Variants in TTK observed in about 807,000 individuals in gnomAD.
The protein encoded by TTK is TTK protein kinase, also known as dual specificity protein kinase TTK.
Under a neutral mutation model 117.3 loss-of-function variants are expected in TTK, and 59 were observed. The observed-to-expected ratio is 0.50, with a 90% CI of 0.41 to 0.62. The LOEUF is 0.62. TTK is among the 20% of genes least tolerant of loss of function. TTK has a pLI of 0.00. For missense variants in TTK, 921 were observed against 989.4 expected (o/e 0.93, Z 0.93); for synonymous variants, 302 against 325.0 (o/e 0.93, Z 0.76).
intron 10 of TTK, among the ~76,000 whole-genome samples, chr6:80,019,904 A>G (rs1767412411): frequency 6.6e-6 from 1 of 152,190 alleles, no homozygotes; most frequent in Non-Finnish European, 1.5e-5. Flanking sequence ...TTCTAAAGAC[A>G]TTTTATTTTT....
chr6:80,012,479 C>G (rs1383879553), intron 8 of TTK, among the ~76,000 whole-genome samples: 2 of 151,908 alleles, frequency 1.3e-5, no homozygotes, highest in Non-Finnish European at 2.9e-5. Flanking sequence ...AGTGTGTTCT[C>G]CTTCCCTCAA....
At chr6:80,018,614 G>A (rs1314837278) in intron 10 of TTK, among the ~76,000 whole-genome samples, 2 of 139,790 alleles carry the variant, frequency 1.4e-5, no homozygotes, top group African/African-American at 5.5e-5. Flanking sequence ...GCAATAGAGC[G>A]AGACTCCGTC....
intron 10 of TTK, among the ~76,000 whole-genome samples, chr6:80,017,823 A>G (rs1005529224): frequency 2.0e-5 from 3 of 152,218 alleles, no homozygotes; most frequent in African/African-American, 7.2e-5. Flanking sequence ...ATAACCTAGC[A>G]TATCTTTTCA....
chr6:80,035,507 G>T, intron 16 of TTK, 90 bp downstream of exon 16: 11 of 1,269,488 alleles, frequency 8.7e-6, no homozygotes, highest in Non-Finnish European at 1.2e-5. Context: ...TAGGGCATTG[G>T]TTATTGGTGT....
intron 10 of TTK, among the ~76,000 whole-genome samples, chr6:80,019,708 A>G (rs989185174): frequency 6.6e-6 from 1 of 152,200 alleles, no homozygotes; most frequent in Admixed American, 6.5e-5. Context: ...AGCTGTTTTC[A>G]TTGAACCACC....
intron 17 of TTK, chr6:80,037,606 G>T (rs1262665285): frequency 1.3e-5 from 2 of 154,112 alleles, no homozygotes; most frequent in African/African-American, 4.8e-5. Flanking sequence ...GCCATTAATA[G>T]GATTTTAGCC....
Position 80,007,827 on chromosome 6 carries a change from A to G in TTK, c.158A>G (p.Asn53Ser). ...ADTTDNSGTV[N>S]QIMMMANNPE... ...TATTTAGATAACTCGGGAACTGTTA[A>G]CCAAATTATGATGATGGCAAACAAC... is the stretch of plus-strand genomic sequence containing the variant. The change falls in exon 3 of 22, where the codon AAC becomes AGC. Residue 53 changes from asparagine (N) to serine (S), a missense_variant. By Grantham distance (46) the Asn-to-Ser change is conservative. Coordinates refer to ENST00000369798, the MANE Select transcript of TTK (RefSeq NM_003318.5). The G allele has an allele frequency of 6.2e-7, 1 of 1,611,310 alleles. No individual in the cohort carries two copies. Among genetic ancestry groups the G allele is most frequent in the Non-Finnish European group, 8.5e-7 (1 of 1,178,518 alleles).
Position 80,039,791 on chromosome 6 carries a change from T to C in TTK, c.2226T>C (p.Ser742=). Residue 742 remains serine, a synonymous_variant, in exon 19 of 22, where the codon TCT becomes TCC. Transcript: ENST00000369798. The part of the protein sequence containing the change: ...TPFQQIINQI[S]KLHAIIDPNH... Reference sequence around the variant, plus strand: ...TTCAGCAGATAATTAATCAGATTTCTAAATTACATGCCATAATTGATCCTA... The same window carrying C: ...TTCAGCAGATAATTAATCAGATTTCCAAATTACATGCCATAATTGATCCTA... 5 of 1,587,430 alleles carry C rather than the reference T, an allele frequency of 3.1e-6. No individual in the cohort carries two copies. The highest frequency in any genetic ancestry group is 8.6e-7 in the Non-Finnish European group (1 of 1,167,750).
chr6:80,042,385 A>G lies in TTK; in HGVS notation c.*183A>G. The G allele has an allele frequency of 2.6e-6, 1 of 389,294 alleles. No homozygotes were observed. The allele number at this position is 389,294 out of a possible 1,614,324, so 24.1% of individuals were successfully genotyped here. A position where few individuals can be genotyped will look rare whatever the true frequency, so the allele number is the denominator to read the frequency against. ...ATAGCAACCACTTATGGCACTGTAT[A>G]TATTGTAGACTTGTTTTCTCTGTTT... is the stretch of plus-strand genomic sequence containing the variant. On this transcript the variant is annotated 3_prime_UTR_variant, in exon 22 of 22. Transcript: ENST00000369798.
At chr6:80,040,991 T>A (rs551762010) in intron 21 of TTK, among the ~76,000 whole-genome samples, 8 of 151,934 alleles carry the variant, frequency 5.3e-5, no homozygotes, top group African/African-American at 1.9e-4. Context: ...ATATAGTGTG[T>A]CTTTTAATTC....
Position 80,008,929 on chromosome 6 carries a change from C to CTGTGTGTGTGTGTGTGTGTG in TTK, c.469+457_469+476dup, listed in dbSNP as rs3049166. On this transcript the variant is annotated intron_variant, in intron 4 of 21. Transcript: ENST00000369798. ...CTTGGTGGTCAAGTAAACTATATAT[C>CTGTGTGTGTGTGTGTGTGTG]TGTGTGTGTGTGTGTGTGTGTGTGT... is the stretch of plus-strand genomic sequence containing the variant. 2.8e-3 allele frequency among the ~76,000 whole-genome samples: 400 copies of CTGTGTGTGTGTGTGTGTGTG among 142,386 alleles called. 6 individuals are homozygous for CTGTGTGTGTGTGTGTGTGTG. Among genetic ancestry groups the CTGTGTGTGTGTGTGTGTGTG allele is most frequent in the East Asian group, 0.01 (48 of 4,576 alleles). 93.4% of individuals were successfully genotyped at this position (142,386 alleles called of 152,430 possible). A position where few individuals can be genotyped will look rare whatever the true frequency, so the allele number is the denominator to read the frequency against.
At chr6:80,022,698 G>A (rs931737744) in intron 11 of TTK, among the ~76,000 whole-genome samples, 2 of 152,162 alleles carry the variant, frequency 1.3e-5, no homozygotes, top group African/African-American at 2.4e-5. Context: ...CTAGATTGCC[G>A]ATAGACTGGT....
intron 14 of TTK, among the ~76,000 whole-genome samples, chr6:80,034,005 G>C (rs1386175740): frequency 5.3e-5 from 8 of 152,010 alleles, no homozygotes; most frequent in African/African-American, 1.4e-4. Context: ...TTTTTCCTTG[G>C]AGTATAATGA....
In TTK at chr6:80,018,164, CAGA is replaced by C. The variant is rs534151857; in HGVS notation, c.1108+3585_1108+3587del. On this transcript the variant is annotated intron_variant, in intron 10 of 21. Coordinates refer to ENST00000369798, the MANE Select transcript of TTK (RefSeq NM_003318.5). ...TGCCACTGCACTCCAGCCTGGGTGA[CAGA>C]AGAAGACCTTGTCTCAAAAAAAAAA... Among the ~76,000 whole-genome samples the C allele has an allele frequency of 1.8e-3, 274 of 149,656 alleles. 1 individual carries two copies. The highest frequency in any genetic ancestry group is 6.5e-3 in the African/African-American group (264 of 40,378).
chr6:80,032,891 G>A (rs1212287316), intron 14 of TTK, among the ~76,000 whole-genome samples: 1 of 151,820 alleles, frequency 6.6e-6, no homozygotes, highest in East Asian at 1.9e-4. Flanking sequence ...TTTTTATGGG[G>A]TACAAAGTGG....
intron 14 of TTK, among the ~76,000 whole-genome samples, chr6:80,032,744 A>G (rs1168141636): frequency 1.3e-5 from 2 of 152,150 alleles, no homozygotes; most frequent in African/African-American, 2.4e-5. Context: ...CATCTCCAGC[A>G]TTATTATTTT....
At chr6:80,023,589 T>C (rs776279912) in intron 11 of TTK, among the ~76,000 whole-genome samples, 2 of 152,032 alleles carry the variant, frequency 1.3e-5, no homozygotes, top group Non-Finnish European at 2.9e-5. Context: ...CGAGACTCTG[T>C]CTCAAAAAAA....
rs768911987 is a variant in TTK at position 80,008,374 on chromosome 6, C to CT, written c.363-8dup. On this transcript the variant is annotated splice_polypyrimidine_tract_variant and intron_variant, in intron 3 of 21. Transcript: ENST00000369798. ...CTTTTTCTTAAATTTTGACTCAAATCTTTTATTACAGTATTCAAGAGCCAG... is the reference window on the plus strand; with the variant it reads ...CTTTTTCTTAAATTTTGACTCAAATCTTTTTATTACAGTATTCAAGAGCCAG... 3 of 1,597,934 alleles carry CT rather than the reference C, an allele frequency of 1.9e-6. No homozygotes were observed. Among genetic ancestry groups the CT allele is most frequent in the Non-Finnish European group, 2.6e-6 (3 of 1,174,740 alleles).
At chr6:80,026,277 A>G (rs3799495) in intron 11 of TTK, 101 bp from the exon 12 acceptor site, 71,173 of 1,233,486 alleles carry the variant, frequency 0.058, 2,396 homozygotes, top group South Asian at 0.12. Context: ...TTTGTATATC[A>G]TATGTTATTA....
Sources: gnomAD v4.1 joint callset for allele counts (sites outside exome capture counted in the v4.1 genomes callset) on GRCh38, gnomAD v4.1.1 for gene constraint, MANE v1.5 for transcripts, NCBI Gene and HGNC (gene_info 2026-07-23, HGNC 2026-07-21) for gene names.